SGCD: variants seen among roughly 807,000 people sequenced by gnomAD.
SGCD encodes the protein sarcoglycan delta.
In SGCD, 18 loss-of-function variants were observed where a neutral mutation model predicts 36.6. That is an observed-to-expected ratio of 0.49 (90% CI 0.34 to 0.73). The LOEUF (loss-of-function observed/expected upper bound fraction) is 0.73, where lower values mean the gene tolerates loss of function less well. SGCD is among the 30% of genes least tolerant of loss of function. SGCD has a pLI of 0.01. For synonymous variants in SGCD, 133 were observed against 130.6 expected (o/e 1.02, Z -0.12); for missense variants, 387 against 346.7 (o/e 1.12, Z -0.92).
At chr5:156,416,134 C>T (rs527871168) in intron 3 of SGCD, among the ~76,000 whole-genome samples, 1 of 152,086 alleles carries the variant, frequency 6.6e-6, no homozygotes, top group South Asian at 2.1e-4. Context: ...GCCCATCAAT[C>T]AAGTGGATAA....
the SGCD span, among the ~76,000 whole-genome samples, chr5:155,822,398 A>G: frequency 3.9e-5 from 6 of 152,200 alleles, no homozygotes; most frequent in African/African-American, 1.4e-4. Context: ...TGCTGGATGC[A>G]GGCTGCTCAC....
At chr5:155,856,773 T>C in the SGCD span, among the ~76,000 whole-genome samples, 43 of 152,026 alleles carry the variant, frequency 2.8e-4, no homozygotes, top group Admixed American at 2.6e-3. Flanking sequence ...CTTAGAGAAA[T>C]GCAAAGGAAA....
At chr5:156,298,277 C>T (rs1766951457) in intron 3 of SGCD, among the ~76,000 whole-genome samples, 2 of 152,062 alleles carry the variant, frequency 1.3e-5, no homozygotes, top group Non-Finnish European at 2.9e-5. Context: ...TGGATAAATA[C>T]CCAGTAGTCA....
At chr5:156,197,195 G>A (rs919128296) in intron 3 of SGCD, among the ~76,000 whole-genome samples, 1 of 152,102 alleles carries the variant, frequency 6.6e-6, no homozygotes, top group African/African-American at 2.4e-5. Context: ...TGCCATGGAG[G>A]GGTCAAAGAG....
chr5:156,258,017 T>C (rs1250322276), intron 3 of SGCD, among the ~76,000 whole-genome samples: 2 of 152,212 alleles, frequency 1.3e-5, no homozygotes, highest in African/African-American at 4.8e-5. Context: ...ACCAGCTGGT[T>C]TTTTTCATGG....
At chr5:155,781,659 C>T in the SGCD span, among the ~76,000 whole-genome samples, 9 of 151,860 alleles carry the variant, frequency 5.9e-5, no homozygotes, top group Admixed American at 2.6e-4. Context: ...TTTGTAGAGA[C>T]GGGGTTTTGC....
chr5:156,202,364 G>A (rs1323551107), intron 3 of SGCD, among the ~76,000 whole-genome samples: 1 of 152,140 alleles, frequency 6.6e-6, no homozygotes, highest in Non-Finnish European at 1.5e-5. Context: ...TTTAAATTTG[G>A]CCATGATTCT....
chr5:156,479,483 G>T (rs886933061), intron 3 of SGCD, among the ~76,000 whole-genome samples: 1 of 152,096 alleles, frequency 6.6e-6, no homozygotes. Context: ...TTCCATGTGG[G>T]TGCCCACTTC....
At chr5:156,516,491 C>G (rs779253026) in intron 4 of SGCD, among the ~76,000 whole-genome samples, 29 of 152,132 alleles carry the variant, frequency 1.9e-4, no homozygotes, top group Non-Finnish European at 3.8e-4. Flanking sequence ...CAAAAAAATA[C>G]CCACAAAACC....
intron 3 of SGCD, among the ~76,000 whole-genome samples, chr5:156,506,140 G>A (rs114145189): frequency 0.019 from 2,854 of 152,186 alleles, 32 homozygotes; most frequent in Non-Finnish European, 0.031. Context: ...TAACCATAAT[G>A]TTAGTACAAT....
chr5:156,359,944 C>A (rs1303156990), intron 3 of SGCD, among the ~76,000 whole-genome samples: 1 of 152,154 alleles, frequency 6.6e-6, no homozygotes, highest in Non-Finnish European at 1.5e-5. Flanking sequence ...TATGTTGGAG[C>A]AAATCCTCTC....
intron 1 of SGCD, among the ~76,000 whole-genome samples, chr5:155,992,582 A>C (rs1015420294): frequency 9.2e-5 from 14 of 152,314 alleles, no homozygotes; most frequent in African/African-American, 3.1e-4. Context: ...CATGAGGTAA[A>C]ATGAACTGGA....
Position 156,751,821 on chromosome 5 carries a change from C to G in SGCD, c.576-5760C>G, listed in dbSNP as rs115420787. ...AAGTGAACAACTGGAACATTATACACTAGTGGGAAAGTCAGTTGGAGCAAT... is the reference window on the plus strand; with the variant it reads ...AAGTGAACAACTGGAACATTATACAGTAGTGGGAAAGTCAGTTGGAGCAAT... On this transcript the variant is annotated intron_variant, in intron 7 of 8. Coordinates refer to ENST00000337851, the MANE Select transcript of SGCD (RefSeq NM_000337.6). 2.3e-3 allele frequency among the ~76,000 whole-genome samples: 352 copies of G among 152,312 alleles called. 2 individuals carry two copies. Among genetic ancestry groups the G allele is most frequent in the African/African-American group, 8.2e-3 (342 of 41,566 alleles).
the SGCD span, among the ~76,000 whole-genome samples, chr5:155,857,482 A>G: frequency 2.0e-5 from 3 of 152,254 alleles, no homozygotes; most frequent in East Asian, 5.8e-4. Flanking sequence ...GATGTACAGA[A>G]CAACAAAGAT....
At chr5:156,033,811 C>T (rs943793594) in intron 1 of SGCD, among the ~76,000 whole-genome samples, 5 of 152,060 alleles carry the variant, frequency 3.3e-5, no homozygotes, top group African/African-American at 1.2e-4. Context: ...GACCAAAGAC[C>T]CTGCCATCAT....
At chr5:156,735,003 C>G (rs927768806) in intron 7 of SGCD, among the ~76,000 whole-genome samples, 2 of 152,192 alleles carry the variant, frequency 1.3e-5, no homozygotes, top group Non-Finnish European at 2.9e-5. Flanking sequence ...TTTGAGGTTG[C>G]TGACCTCTGG....
intron 2 of SGCD, among the ~76,000 whole-genome samples, chr5:156,119,512 C>T (rs1761983652): frequency 6.6e-6 from 1 of 152,108 alleles, no homozygotes; most frequent in South Asian, 2.1e-4. Context: ...TCCACGATCA[C>T]ACTTCTTAAG....
At chr5:156,209,432 G>C (rs1748321296) in intron 3 of SGCD, among the ~76,000 whole-genome samples, 1 of 152,132 alleles carries the variant, frequency 6.6e-6, no homozygotes, top group Non-Finnish European at 1.5e-5. Flanking sequence ...TTACAGATCA[G>C]GCTTGCCTCA....
At chr5:155,852,122 G>A in the SGCD span, among the ~76,000 whole-genome samples, 1 of 152,172 alleles carries the variant, frequency 6.6e-6, no homozygotes, top group African/African-American at 2.4e-5. Context: ...TATTCCACCT[G>A]TATGTCCATC....
Sources: gnomAD v4.1 joint callset for allele counts (sites outside exome capture counted in the v4.1 genomes callset) on GRCh38, gnomAD v4.1.1 for gene constraint, MANE v1.5 for transcripts, NCBI Gene and HGNC (gene_info 2026-07-23, HGNC 2026-07-21) for gene names.